PTPN3: variants seen among roughly 807,000 people sequenced by gnomAD.
PTPN3 encodes the protein protein tyrosine phosphatase non-receptor type 3, also known as tyrosine-protein phosphatase non-receptor type 3.
A neutral mutation model predicts 132.7 loss-of-function variants in PTPN3; 96 were observed. The observed-to-expected ratio is 0.72, with a 90% CI of 0.61 to 0.86. The LOEUF is 0.86. Among genes scored for constraint, PTPN3 ranks in the 40% least tolerant of loss-of-function variants. The pLI is 0.00. For missense variants in PTPN3, 1,125 were observed against 1,159.6 expected, an observed-to-expected ratio of 0.97 and a Z score of 0.43; for synonymous variants, 398 against 429.0, an observed-to-expected ratio of 0.93 and a Z score of 0.89.
In PTPN3 at chr9:109,438,103, G is replaced by GC; in HGVS notation, c.587+10dup. ...CAAGTCCCCAAAGTAGGCCACCCCA[G>GC]CCCCCCTCACCTGTGCTGCTCATGC... On this transcript the variant is annotated intron_variant, in intron 8 of 25. Transcript: ENST00000374541. 2 of 1,609,568 alleles carry GC rather than the reference G, an allele frequency of 1.2e-6. No individual in the cohort carries two copies. Among genetic ancestry groups the GC allele is most frequent in the African/African-American group, 1.3e-5 (1 of 74,828 alleles).
chr9:109,484,123 T>A (rs899151381), intron 1 of PTPN3, among the ~76,000 whole-genome samples: 2 of 152,132 alleles, frequency 1.3e-5, no homozygotes, highest in Non-Finnish European at 2.9e-5. Flanking sequence ...AGTGTCCACC[T>A]CAGGCAGAAT....
At chr9:109,514,182 C>G in the PTPN3 span, among the ~76,000 whole-genome samples, 1 of 152,206 alleles carries the variant, frequency 6.6e-6, no homozygotes, top group Non-Finnish European at 1.5e-5. Flanking sequence ...CTTCTTGTCT[C>G]TCACTGGGGC....
rs144345324 is a variant in PTPN3 at position 109,458,104 on chromosome 9, T to C, written c.139-705A>G. ...ACGGCCATAAGAAGCTCCCTTTTCC[T>C]GCCCCAGCCATGGAGGCAGTGGCTG... On this transcript the variant is annotated intron_variant, in intron 2 of 25. Transcript: ENST00000374541. Among the ~76,000 whole-genome samples, 771 of 152,312 alleles carry C rather than the reference T, an allele frequency of 5.1e-3. 2 individuals are homozygous for C. The highest frequency in any genetic ancestry group is 8.4e-3 in the Non-Finnish European group (568 of 68,016).
At chr9:109,379,749 G>T in intron 25 of PTPN3, 116 bp from the exon 26 acceptor site, 1 of 854,874 alleles carries the variant, frequency 1.2e-6, no homozygotes, top group Non-Finnish European at 1.9e-6. Context: ...GCCAACTCTG[G>T]GCCACAGGCC....
chr9:109,521,455 T>C, the PTPN3 span, among the ~76,000 whole-genome samples: 81,014 of 152,102 alleles, frequency 0.53, 22,706 homozygotes, highest in East Asian at 0.85. Context: ...CCACCACGCC[T>C]GGCCTTGAGT....
the PTPN3 span, among the ~76,000 whole-genome samples, chr9:109,503,609 T>C: frequency 6.6e-6 from 1 of 151,840 alleles, no homozygotes; most frequent in African/African-American, 2.4e-5. Context: ...CTTGGGAGGC[T>C]GAGGCAGGAG....
chr9:109,422,477 G>A (rs78600831), intron 13 of PTPN3, among the ~76,000 whole-genome samples: 2,546 of 152,190 alleles, frequency 0.017, 64 homozygotes, highest in African/African-American at 0.058. Flanking sequence ...CAGCAGGCTC[G>A]AGTTTCCCAA....
chr9:109,382,332 A>T lies in PTPN3; in HGVS notation c.2498T>A (p.Val833Glu), dbSNP rs767699817. 1.9e-6 allele frequency: 3 copies of T among 1,613,972 alleles called. No individual in the cohort carries two copies. The highest frequency in any genetic ancestry group is 1.7e-6 in the Non-Finnish European group (2 of 1,179,942). ...EFVNYVRSLR[V>E]DSEPVLVHCS... The stretch of plus-strand genomic sequence containing the variant: ...GTGAACTAGGACGGGCTCGCTGTCC[A>T]CTCTCAGAGACCTCACATAGTTTAC... Residue 833 changes from valine to glutamate, a missense_variant, in exon 24 of 26, where the codon GTG becomes GAG. Physicochemically the swap from Val to Glu is moderately radical, Grantham distance 121. Coordinates refer to ENST00000374541, the MANE Select transcript of PTPN3 (RefSeq NM_002829.4).
At chr9:109,521,350 A>T in the PTPN3 span, among the ~76,000 whole-genome samples, 2 of 151,894 alleles carry the variant, frequency 1.3e-5, no homozygotes, top group African/African-American at 4.8e-5. Flanking sequence ...TGTAGAGATG[A>T]GGTATCACCA....
chr9:109,463,213 C>A, intron 2 of PTPN3, 84 bp downstream of exon 2: 1 of 1,313,156 alleles, frequency 7.6e-7, no homozygotes. Context: ...ATATTTTTTT[C>A]TTCATTTTGT....
rs1841383733 is a variant in PTPN3, at chr9:109,404,352, G to C, written c.1953+96C>G. ...ACAATCATCTCGACCAAGGAAACAAGGGCTTGTGTCTCTGCCTCATTTCCT... is the reference window on the plus strand; with the variant it reads ...ACAATCATCTCGACCAAGGAAACAACGGCTTGTGTCTCTGCCTCATTTCCT... On this transcript the variant is annotated intron_variant, in intron 19 of 25. Transcript: ENST00000374541. The C allele has an allele frequency of 2.6e-5, 24 of 936,776 alleles. 1 individual carries two copies. In the South Asian group the frequency reaches 8.6e-4, roughly 34 times the overall value. 58.0% of individuals were successfully genotyped at this position (936,776 alleles called of 1,614,324 possible). A position where few individuals can be genotyped will look rare whatever the true frequency, so the allele number is the denominator to read the frequency against.
chr9:109,450,078 T>TA (rs1336945775), intron 5 of PTPN3: 118 of 984,616 alleles, frequency 1.2e-4, no homozygotes, highest in Middle Eastern at 5.2e-4. Context: ...GATCATGTTA[T>TA]AAAAAAACTC....
At chr9:109,426,059 A>G (rs571489471) in intron 12 of PTPN3, among the ~76,000 whole-genome samples, 1 of 151,086 alleles carries the variant, frequency 6.6e-6, no homozygotes, top group African/African-American at 2.4e-5. Flanking sequence ...AGAAATTATA[A>G]GAATAAATTG....
chr9:109,456,568 G>C (rs1845575658), intron 4 of PTPN3, among the ~76,000 whole-genome samples: 1 of 152,152 alleles, frequency 6.6e-6, no homozygotes, highest in Non-Finnish European at 1.5e-5. Flanking sequence ...GTTGGTCTGG[G>C]GCATGAGTGG....
At chr9:109,454,128 T>A (rs572690769) in intron 5 of PTPN3, among the ~76,000 whole-genome samples, 6 of 151,204 alleles carry the variant, frequency 4.0e-5, no homozygotes, top group Middle Eastern at 3.4e-3. Context: ...ATGACTATTT[T>A]ACAAATTTGT....
chr9:109,529,484 C>A, the PTPN3 span, among the ~76,000 whole-genome samples: 1 of 152,178 alleles, frequency 6.6e-6, no homozygotes, highest in Admixed American at 6.5e-5. Flanking sequence ...TTTTTCACAG[C>A]AGGAATTCTT....
the PTPN3 span, among the ~76,000 whole-genome samples, chr9:109,538,337 G>A: frequency 0.33 from 50,541 of 152,120 alleles, 9,105 homozygotes; most frequent in Middle Eastern, 0.45. Context: ...CTTAAAAAAT[G>A]ATTTAGAAAA....
chr9:109,393,323 T>A (rs1244789520), intron 19 of PTPN3, among the ~76,000 whole-genome samples: 1 of 152,084 alleles, frequency 6.6e-6, no homozygotes, highest in African/African-American at 2.4e-5. Context: ...AAATTTTTTT[T>A]ACTCAAACTT....
At position 109,382,394 on chromosome 9, in the gene PTPN3, G is replaced by C. The variant is rs775732806; in HGVS notation, c.2436C>G (p.His812Gln). The C allele has an allele frequency of 1.1e-5, 18 of 1,614,060 alleles. No homozygotes were observed. Among genetic ancestry groups the C allele is most frequent in the Non-Finnish European group, 1.4e-5 (17 of 1,180,012 alleles). The change falls in exon 24 of 26, where the codon CAC (histidine) becomes CAG (glutamine). Residue 812 changes from histidine (H) to glutamine (Q), a missense_variant. Physicochemically the swap from His to Gln is conservative, Grantham distance 24 (BLOSUM62 0). Coordinates refer to ENST00000374541, the MANE Select transcript of PTPN3 (RefSeq NM_002829.4). ...THLQYVAWPD[H>Q]GVPDDSSDFL... ...AGTCGGAGGAGTCATCGGGCACACC[G>C]TGGTCAGGCCATGCGACGTACTGGA...
Sources: allele counts gnomAD v4.1 joint callset (sites outside exome capture counted in the v4.1 genomes callset), GRCh38; gene constraint gnomAD v4.1.1; transcripts MANE v1.5; gene names NCBI Gene and HGNC (gene_info 2026-07-23, HGNC 2026-07-21).